Variants in RNF40 observed in about 807,000 individuals in gnomAD.
The protein encoded by RNF40 is E3 ubiquitin-protein ligase BRE1B.
In RNF40, 39 loss-of-function variants were observed where a neutral mutation model predicts 123.3. The observed-to-expected ratio is 0.32, with a 90% CI of 0.24 to 0.41. RNF40 has a LOEUF of 0.41. Among genes scored for constraint, RNF40 ranks in the 10% least tolerant of loss-of-function variants. RNF40 has a pLI of 1.00. For synonymous variants in RNF40, 538 were observed against 526.0 expected (o/e 1.02, Z -0.31); for missense variants, 1,003 against 1,319.9 (o/e 0.76, Z 3.72).
In RNF40 at chr16:30,763,047, C is replaced by A. The variant is rs964159741; in HGVS notation, c.133-71C>A. The A allele has an allele frequency of 1.2e-4, 187 of 1,566,908 alleles. 1 individual carries two copies. The Middle Eastern group carries it at 1.4e-3, about 12-fold the overall frequency. The stretch of plus-strand genomic sequence containing the variant: ...CATGCATTGCAGATGCTCTGCTCCT[C>A]TTTCTCTCTCTGTGATTGGTTTGTG... On this transcript the variant is annotated intron_variant, in intron 2 of 19. Coordinates refer to ENST00000324685, the MANE Select transcript of RNF40 (RefSeq NM_014771.4).
chr16:30,767,636 T>G, intron 11 of RNF40: 1 of 379,536 alleles, frequency 2.6e-6, no homozygotes. Flanking sequence ...GAGACACTGT[T>G]TCTATTTAAA....
intron 4 of RNF40, 38 bp from the exon 5 acceptor site, chr16:30,764,141 T>C: frequency 6.4e-7 from 1 of 1,555,906 alleles, no homozygotes; most frequent in Middle Eastern, 1.8e-4. Flanking sequence ...TAGTAACTGC[T>C]GCTCTTATCC....
At chr16:30,762,851 C>T (rs1321873764) in intron 2 of RNF40, 174 bp downstream of exon 2, 9 of 901,138 alleles carry the variant, frequency 1.0e-5, no homozygotes, top group Admixed American at 2.8e-5. Context: ...CTTCCCTTTA[C>T]AGATAGGAAA....
chr16:30,767,643 T>TAA (rs535142227), intron 11 of RNF40: 41 of 362,610 alleles, frequency 1.1e-4, no homozygotes, highest in Admixed American at 1.6e-4. Flanking sequence ...TGTTTCTATT[T>TAA]AAAAAAAAAA....
In RNF40 at chr16:30,768,581, C is replaced by G. The variant is rs768850879; in HGVS notation, c.1980-38C>G. The G allele has an allele frequency of 2.7e-5, 44 of 1,613,980 alleles. No individual in the cohort carries two copies. The highest frequency in any genetic ancestry group is 3.6e-5 in the Non-Finnish European group (42 of 1,179,864). ...CTGACCCTGCCAGGTGGCCTCCAGT[C>G]CCACTCACTAAGACTTCCTCCTGTA... On this transcript the variant is annotated intron_variant, in intron 13 of 19. Coordinates refer to ENST00000324685, the MANE Select transcript of RNF40 (RefSeq NM_014771.4). The surrounding 1 kb of genome is among the most constrained non-coding windows in gnomAD (Gnocchi z 4.1).
At position 30,763,659 on chromosome 16, in the gene RNF40, A is replaced by G. The variant is rs1294655848; in HGVS notation, c.442+100A>G. 6 of 1,232,816 alleles carry G rather than the reference A, an allele frequency of 4.9e-6. No individual in the cohort carries two copies. In the African/African-American group the frequency reaches 7.6e-5, roughly 16 times the overall value. The allele number at this position is 1,232,816 out of a possible 1,614,324, so 76.4% of individuals were successfully genotyped here. A position where few individuals can be genotyped will look rare whatever the true frequency, so the allele number is the denominator to read the frequency against. On this transcript the variant is annotated intron_variant, in intron 4 of 19. Coordinates refer to ENST00000324685, the MANE Select transcript of RNF40 (RefSeq NM_014771.4). Reference sequence around the variant, plus strand: ...GGGCCCCTGAATTGCCTATCTTACTACTTCTCACGAAATGGATTTCATGTT... The same window carrying G: ...GGGCCCCTGAATTGCCTATCTTACTGCTTCTCACGAAATGGATTTCATGTT...
chr16:30,769,659 G>A (rs572567239), intron 17 of RNF40, 59 bp downstream of exon 17: 133 of 1,468,722 alleles, frequency 9.1e-5, no homozygotes, highest in Middle Eastern at 2.5e-4. Flanking sequence ...CTCACCTTCC[G>A]GTTCTGCTCA....
chr16:30,766,596 G>A lies in RNF40; in HGVS notation c.1293+38G>A, dbSNP rs778615695. The A allele has an allele frequency of 2.5e-6, 4 of 1,588,486 alleles. No individual in the cohort carries two copies. The East Asian group carries it at 6.7e-5, about 27-fold the overall frequency. ...AACAGGCGTTAGGGCTGGGCTAAGG[G>A]CCAAACCGTTAGTGTTGACGTGTTT... is the stretch of plus-strand genomic sequence containing the variant. On this transcript the variant is annotated intron_variant, in intron 10 of 19. Transcript: ENST00000324685. The surrounding 1 kb of genome is among the most constrained non-coding windows in gnomAD (Gnocchi z 5.4).
Position 30,764,282 on chromosome 16 carries a change from A to G in RNF40, c.546A>G (p.Gln182=). The change falls in exon 5 of 20, where the codon CAA becomes CAG. Residue 182 remains glutamine, a synonymous_variant. Transcript: ENST00000324685. ...GTGAGGAGGTGGAGCTGGAGCTGCAAGGCCGAATGGAGTTCTCCAAGGCAG... is the reference window on the plus strand; with the variant it reads ...GTGAGGAGGTGGAGCTGGAGCTGCAGGGCCGAATGGAGTTCTCCAAGGCAG... ...SSSEEVELEL[Q]GRMEFSKAAV... 6.2e-7 allele frequency: 1 copy of G among 1,613,640 alleles called. No homozygotes were observed.
rs997552892 is a variant in RNF40, at chr16:30,769,163, T to G, written c.2248-23T>G. On this transcript the variant is annotated intron_variant, in intron 15 of 19. Coordinates refer to ENST00000324685, the MANE Select transcript of RNF40 (RefSeq NM_014771.4). The stretch of plus-strand genomic sequence containing the variant: ...TCCTGTCCACTTCCCACGTTCCATC[T>G]TGTCTCTGCCCACTTGCTGCAGGAG... 14 of 1,613,134 alleles carry G rather than the reference T, an allele frequency of 8.7e-6. No homozygotes were observed. The African/African-American group carries it at 1.7e-4, about 20-fold the overall frequency.
intron 17 of RNF40, among the ~76,000 whole-genome samples, chr16:30,771,571 C>T (rs559710688): frequency 9.9e-5 from 15 of 152,128 alleles, no homozygotes; most frequent in East Asian, 1.9e-4. Flanking sequence ...GAGCTGAGAT[C>T]GTGTCACTGG....
At position 30,764,345 on chromosome 16, in the gene RNF40, G is replaced by C. The variant is rs1390804640; in HGVS notation, c.609G>C (p.Gln203His). The C allele has an allele frequency of 6.2e-7, 1 of 1,613,682 alleles. No homozygotes were observed. The highest frequency in any genetic ancestry group is 8.5e-7 in the Non-Finnish European group (1 of 1,180,006). Residue 203 changes from glutamine to histidine, a missense_variant, in exon 5 of 20, where the codon CAG (glutamine) becomes CAC (histidine). Gln to His is a conservative substitution (Grantham distance 24). This residue lies in a region of RNF40 where 274 missense variants were observed against 356.9 expected (regional missense o/e 0.77). Coordinates refer to ENST00000324685, the MANE Select transcript of RNF40 (RefSeq NM_014771.4). Reference sequence around the variant, plus strand: ...TGGTAGAGGCCTCAGACCGCCTACAGCGCCGGGTGGAGGAACTCTGTCAGC... The same window carrying C: ...TGGTAGAGGCCTCAGACCGCCTACACCGCCGGGTGGAGGAACTCTGTCAGC... ...SRVVEASDRL[Q>H]RRVEELCQRV...
rs2054152085 is a variant in RNF40, at chr16:30,771,778, A to G, written c.2587-55A>G. ...AAGCATTGGTGGGCCGTGACTCCAC[A>G]TGCCTGAGTCACCAGGCTCAGACCA... On this transcript the variant is annotated intron_variant, in intron 17 of 19. Transcript: ENST00000324685. 2.0e-6 allele frequency: 3 copies of G among 1,507,092 alleles called. No individual in the cohort carries two copies. The East Asian group carries it at 6.9e-5, about 34-fold the overall frequency. The allele number at this position is 1,507,092 out of a possible 1,614,324, so 93.4% of individuals were successfully genotyped here.
chr16:30,764,899 G>T (rs756430403), intron 5 of RNF40, 39 bp from the exon 6 acceptor site: 3 of 1,598,082 alleles, frequency 1.9e-6, no homozygotes, highest in Admixed American at 1.7e-5. Context: ...TTGCCCCATT[G>T]CCCTGAGCTG....
At position 30,764,381 on chromosome 16, in the gene RNF40, C is replaced by T; in HGVS notation, c.645C>T (p.Ser215=). 2 of 1,612,172 alleles carry T rather than the reference C, an allele frequency of 1.2e-6. No individual in the cohort carries two copies. The highest frequency in any genetic ancestry group is 1.1e-5 in the South Asian group (1 of 90,894). Residue 215 remains serine, a synonymous_variant, in exon 5 of 20, where the codon AGC becomes AGT. Transcript: ENST00000324685. ...RVEELCQRVY[S]RGDSEPLSEA... The stretch of plus-strand genomic sequence containing the variant: ...AGGAACTCTGTCAGCGAGTGTACAG[C>T]CGAGGTGGGTTCTTTGTGCCCATAC...
At chr16:30,767,160 G>A (rs557534893) in intron 11 of RNF40, among the ~76,000 whole-genome samples, 1 of 152,194 alleles carries the variant, frequency 6.6e-6, no homozygotes, top group Non-Finnish European at 1.5e-5. Context: ...GTGTTACAAA[G>A]ATTTATCAAA....
At position 30,775,795 on chromosome 16, in the gene RNF40, G is replaced by GCA. The variant is rs2054224701; in HGVS notation, c.*1681_*1682insCA. 1 of 152,312 alleles carries GCA rather than the reference G, an allele frequency of 6.6e-6. No homozygotes were observed. Among genetic ancestry groups the GCA allele is most frequent in the Admixed American group, 6.5e-5 (1 of 15,290 alleles). The allele number at this position is 152,312 out of a possible 1,614,324, so 9.4% of individuals were successfully genotyped here. On this transcript the variant is annotated 3_prime_UTR_variant, in exon 20 of 20. Transcript: ENST00000324685. ...GCGACAGTGCTATGGCCACGGCAGG[G>GCA]GCCGCGTGCGTCTCAGCGGTGGCGC...
chr16:30,771,761 G>C, intron 17 of RNF40, 72 bp from the exon 18 acceptor site: 2 of 1,487,588 alleles, frequency 1.3e-6, no homozygotes, highest in Non-Finnish European at 1.8e-6. Flanking sequence ...AGAAGCATTG[G>C]TGGGCCGTGA....
Position 30,774,202 on chromosome 16 carries a change from C to T in RNF40, c.*88C>T, listed in dbSNP as rs1567289834. 2.1e-6 allele frequency: 3 copies of T among 1,405,662 alleles called. No individual in the cohort carries two copies. Among genetic ancestry groups the T allele is most frequent in the Admixed American group, 2.4e-5 (1 of 41,176 alleles). 87.1% of individuals were successfully genotyped at this position (1,405,662 alleles called of 1,614,324 possible). A position where few individuals can be genotyped will look rare whatever the true frequency, so the allele number is the denominator to read the frequency against. Reference sequence around the variant, plus strand: ...CCACCCCAGGTCTAGTGGCCCCACCCTCCATTCCGGACCCCATGGGCCCAG... The same window carrying T: ...CCACCCCAGGTCTAGTGGCCCCACCTTCCATTCCGGACCCCATGGGCCCAG... On this transcript the variant is annotated 3_prime_UTR_variant, in exon 20 of 20. Coordinates refer to ENST00000324685, the MANE Select transcript of RNF40 (RefSeq NM_014771.4).
Sources: gnomAD v4.1 joint callset for allele counts (sites outside exome capture counted in the v4.1 genomes callset) on GRCh38, gnomAD v4.1.1 for gene constraint, gnomAD v4.1.1 regional missense constraint, Gnocchi (gnomAD v3.1) non-coding constraint, MANE v1.5 for transcripts, NCBI Gene and HGNC (gene_info 2026-07-23, HGNC 2026-07-21) for gene names.